The following ARHGAP15 variants were observed in gnomAD, a reference collection of about 807,000 sequenced individuals.
ARHGAP15 encodes rho GTPase-activating protein 15.
ARHGAP15 carries 51 observed loss-of-function variants against 63.7 expected under a neutral mutation model. That is an observed-to-expected ratio of 0.80 (90% CI 0.64 to 1.01). ARHGAP15 has a LOEUF of 1.01. Among genes scored for constraint, ARHGAP15 ranks in the 50% least tolerant of loss-of-function variants. The pLI, the probability that ARHGAP15 is intolerant of heterozygous loss-of-function variation, is 0.00. For synonymous variants in ARHGAP15, 191 were observed against 193.8 expected, an observed-to-expected ratio of 0.99 and a Z score of 0.12; for missense variants, 560 against 564.6, an observed-to-expected ratio of 0.99 and a Z score of 0.08.
At chr2:143,229,345 A>G (rs889005379) in intron 5 of ARHGAP15, among the ~76,000 whole-genome samples, 1 of 152,216 alleles carries the variant, frequency 6.6e-6, no homozygotes, top group Non-Finnish European at 1.5e-5. Context: ...TAATGGAGCT[A>G]ATACAATTTC....
In ARHGAP15 at chr2:143,629,255, A is replaced by G. The variant is rs150524516; in HGVS notation, c.1138+4988A>G. Reference sequence around the variant, plus strand: ...CCATAGTAATCCCTTGTCTGATAATACTCATTGGGGTAACAAAAACACTAG... The same window carrying G: ...CCATAGTAATCCCTTGTCTGATAATGCTCATTGGGGTAACAAAAACACTAG... On this transcript the variant is annotated intron_variant, in intron 12 of 13. Coordinates refer to ENST00000295095, the MANE Select transcript of ARHGAP15 (RefSeq NM_018460.4). Among the ~76,000 whole-genome samples, 21 of 152,022 alleles carry G rather than the reference A, an allele frequency of 1.4e-4. No homozygotes were observed. The East Asian group carries it at 4.1e-3, about 29-fold the overall frequency.
chr2:143,558,026 A>C (rs150086827), intron 11 of ARHGAP15, among the ~76,000 whole-genome samples: 22 of 152,234 alleles, frequency 1.4e-4, no homozygotes, highest in African/African-American at 5.1e-4. Flanking sequence ...ACTGGGTAGC[A>C]TCTATGACAC....
Position 143,660,922 on chromosome 2 carries a change from G to T in ARHGAP15, c.1138+36655G>T, listed in dbSNP as rs35722921. Among the ~76,000 whole-genome samples, 663 of 152,268 alleles carry T rather than the reference G, an allele frequency of 4.4e-3. 8 individuals carry two copies. The highest frequency in any genetic ancestry group is 7.4e-3 in the Non-Finnish European group (500 of 68,012). Reference sequence around the variant, plus strand: ...CAACTTCTTACAGTTCTGTAGTTTAGAAGTCTGGCACTGGTCTCACTGGGT... The same window carrying T: ...CAACTTCTTACAGTTCTGTAGTTTATAAGTCTGGCACTGGTCTCACTGGGT... On this transcript the variant is annotated intron_variant, in intron 12 of 13. Transcript: ENST00000295095.
chr2:143,581,052 A>G (rs994293409), intron 11 of ARHGAP15, among the ~76,000 whole-genome samples: 9 of 152,166 alleles, frequency 5.9e-5, no homozygotes, highest in African/African-American at 2.2e-4. Context: ...ATTTTAAGCT[A>G]AAGGAACTGA....
intron 9 of ARHGAP15, among the ~76,000 whole-genome samples, chr2:143,497,993 G>C (rs1574534508): frequency 6.6e-6 from 1 of 152,134 alleles, no homozygotes; most frequent in Non-Finnish European, 1.5e-5. Context: ...GTGTTAGACT[G>C]CTACGAGCAA....
intron 13 of ARHGAP15, among the ~76,000 whole-genome samples, chr2:143,756,856 C>G (rs534484266): frequency 2.6e-5 from 4 of 152,188 alleles, no homozygotes; most frequent in Non-Finnish European, 5.9e-5. Flanking sequence ...CAAAATATGT[C>G]ACCCAAGACT....
chr2:143,175,421 A>C (rs980318614), intron 2 of ARHGAP15, among the ~76,000 whole-genome samples: 17 of 152,198 alleles, frequency 1.1e-4, no homozygotes, highest in African/African-American at 4.1e-4. Flanking sequence ...AAAGATTGGA[A>C]GGGAGAAAAG....
intron 11 of ARHGAP15, among the ~76,000 whole-genome samples, chr2:143,576,501 T>C (rs1259568490): frequency 6.6e-6 from 1 of 152,096 alleles, no homozygotes; most frequent in Non-Finnish European, 1.5e-5. Flanking sequence ...CCATGCACTT[T>C]ATGTTTCCGG....
At chr2:143,511,024 A>G (rs1021826151) in intron 9 of ARHGAP15, among the ~76,000 whole-genome samples, 1 of 152,234 alleles carries the variant, frequency 6.6e-6, no homozygotes, top group Non-Finnish European at 1.5e-5. Context: ...ACTGACAGAG[A>G]TCCCATTACT....
chr2:143,601,946 G>T (rs921361684), intron 11 of ARHGAP15, among the ~76,000 whole-genome samples: 1 of 152,142 alleles, frequency 6.6e-6, no homozygotes, highest in African/African-American at 2.4e-5. Context: ...ACATAAAACA[G>T]TAAGGCATTC....
intron 6 of ARHGAP15, among the ~76,000 whole-genome samples, chr2:143,269,235 G>C (rs1681148919): frequency 6.6e-6 from 1 of 152,100 alleles, no homozygotes; most frequent in Non-Finnish European, 1.5e-5. Flanking sequence ...AGTCTGGAGA[G>C]CGGTCAGAGA....
intron 4 of ARHGAP15, among the ~76,000 whole-genome samples, chr2:143,224,625 C>G (rs1007047317): frequency 6.6e-6 from 1 of 152,116 alleles, no homozygotes; most frequent in Admixed American, 6.5e-5. Context: ...GTATGAGTTG[C>G]CCACTTCCTG....
intron 12 of ARHGAP15, among the ~76,000 whole-genome samples, chr2:143,683,111 T>TA (rs540520807): frequency 2.4e-3 from 368 of 152,330 alleles, no homozygotes; most frequent in Non-Finnish European, 4.2e-3. Context: ...TTCATTATGA[T>TA]AAAAAACAGG....
intron 8 of ARHGAP15, among the ~76,000 whole-genome samples, chr2:143,465,338 A>G (rs1210324305): frequency 1.3e-5 from 2 of 152,160 alleles, no homozygotes; most frequent in African/African-American, 4.8e-5. Context: ...GCTGGACCTG[A>G]ATGCTACAGC....
rs1225566211 is a variant in ARHGAP15 at position 143,556,395 on chromosome 2, C to T, written c.926-13C>T. ...TATATGTGCTAATATAAAATATGCC[C>T]TTTTGTCTTCAGGTCTAGATGTTGA... On this transcript the variant is annotated splice_polypyrimidine_tract_variant and intron_variant, in intron 10 of 13. Transcript: ENST00000295095. 2 of 1,588,102 alleles carry T rather than the reference C, an allele frequency of 1.3e-6. No individual in the cohort carries two copies. Among genetic ancestry groups the T allele is most frequent in the East Asian group, 2.3e-5 (1 of 43,754 alleles).
chr2:143,523,124 A>T (rs1694124669), intron 10 of ARHGAP15, among the ~76,000 whole-genome samples: 1 of 152,176 alleles, frequency 6.6e-6, no homozygotes, highest in African/African-American at 2.4e-5. Context: ...TACTCAATAA[A>T]TATTGGTTAA....
chr2:143,256,189 A>G (rs1680418743), intron 6 of ARHGAP15, among the ~76,000 whole-genome samples: 1 of 152,164 alleles, frequency 6.6e-6, no homozygotes, highest in Non-Finnish European at 1.5e-5. Context: ...TGATTTTAAT[A>G]CAAATACAGC....
At chr2:143,744,257 A>G (rs1686074982) in intron 13 of ARHGAP15, among the ~76,000 whole-genome samples, 1 of 152,232 alleles carries the variant, frequency 6.6e-6, no homozygotes, top group African/African-American at 2.4e-5. Flanking sequence ...TTGTATCATT[A>G]GTTAAGAACA....
At chr2:143,390,996 GCA>G (rs1423907453) in intron 6 of ARHGAP15, among the ~76,000 whole-genome samples, 1 of 152,154 alleles carries the variant, frequency 6.6e-6, no homozygotes, top group Non-Finnish European at 1.5e-5. Context: ...GGTAACACCA[GCA>G]CAGAGTTACC....
Sources: gnomAD v4.1 joint callset for allele counts (sites outside exome capture counted in the v4.1 genomes callset) on GRCh38, gnomAD v4.1.1 for gene constraint, MANE v1.5 for transcripts, NCBI Gene and HGNC (gene_info 2026-07-23, HGNC 2026-07-21) for gene names.